Variants in CADPS2 observed in about 807,000 individuals in gnomAD.
CADPS2 encodes calcium dependent secretion activator 2.
CADPS2 carries 93 observed loss-of-function variants against 172.5 expected under a neutral mutation model. The ratio of observed to expected loss-of-function variants is 0.54; its 90% CI spans 0.46 to 0.64. The LOEUF is 0.64. Among genes scored for constraint, CADPS2 ranks in the 30% least tolerant of loss-of-function variants. CADPS2 has a pLI of 0.00. For missense variants in CADPS2, 1,420 were observed against 1,565.9 expected, an observed-to-expected ratio of 0.91 and a Z score of 1.57; for synonymous variants, 546 against 555.2, an observed-to-expected ratio of 0.98 and a Z score of 0.23.
chr7:122,370,434 TTTTATGCAAAGTAC>T (rs1311884353), intron 25 of CADPS2, among the ~76,000 whole-genome samples: 8 of 152,312 alleles, frequency 5.3e-5, no homozygotes, highest in Non-Finnish European at 1.2e-4. Context: ...CAGTATATAA[TTTTATGCAAAGTAC>T]TTTATGTTCT....
chr7:122,883,225 T>C (rs889284145), intron 1 of CADPS2, among the ~76,000 whole-genome samples: 5 of 152,174 alleles, frequency 3.3e-5, no homozygotes, highest in South Asian at 2.1e-4. Context: ...TTCTGGTTCA[T>C]AGAAACTCAC....
At chr7:122,562,986 G>A (rs139872897) in intron 7 of CADPS2, among the ~76,000 whole-genome samples, 1,873 of 152,176 alleles carry the variant, frequency 0.012, 16 homozygotes, top group Non-Finnish European at 0.017. Flanking sequence ...ACAACCTAAC[G>A]ATTAAGAATT....
chr7:122,566,424 C>T (rs1472667834), intron 7 of CADPS2, among the ~76,000 whole-genome samples: 1 of 151,940 alleles, frequency 6.6e-6, no homozygotes, highest in Non-Finnish European at 1.5e-5. Flanking sequence ...GGTATATATC[C>T]AAAGGAAATG....
intron 2 of CADPS2, among the ~76,000 whole-genome samples, chr7:122,708,576 C>A (rs1443286282): frequency 8.8e-6 from 1 of 113,936 alleles, no homozygotes; most frequent in Non-Finnish European, 1.8e-5. Context: ...TATATATCTT[C>A]CTTGCTCTTA....
intron 8 of CADPS2, among the ~76,000 whole-genome samples, chr7:122,531,065 C>G (rs1459513690): frequency 6.6e-6 from 1 of 152,156 alleles, no homozygotes; most frequent in African/African-American, 2.4e-5. Context: ...TTAAAGTCAG[C>G]AATCTTGAGA....
chr7:122,489,751 C>T lies in CADPS2; in HGVS notation c.1852+330G>A, dbSNP rs1172387924. On this transcript the variant is annotated intron_variant, in intron 11 of 29. Transcript: ENST00000449022. ...CAAATTTGATTTTGCAATACTTTTT[C>T]CATATCTATAGGAGACTTAAGTCAA... is the stretch of plus-strand genomic sequence containing the variant. 2.6e-5 allele frequency among the ~76,000 whole-genome samples: 4 copies of T among 152,018 alleles called. No individual in the cohort carries two copies. In the East Asian group the frequency reaches 7.7e-4, roughly 29 times the overall value.
intron 1 of CADPS2, among the ~76,000 whole-genome samples, chr7:122,790,412 A>G (rs1041998779): frequency 1.6e-4 from 24 of 151,878 alleles, no homozygotes; most frequent in African/African-American, 4.8e-4. Flanking sequence ...AAAAAAAAAA[A>G]AAAAGAAAAG....
chr7:122,454,408 C>T (rs564548379), intron 14 of CADPS2, among the ~76,000 whole-genome samples: 1 of 152,238 alleles, frequency 6.6e-6, no homozygotes, highest in South Asian at 2.1e-4. Context: ...AAAGACGATG[C>T]TCTTACCCTT....
chr7:122,695,165 A>T (rs997007825), intron 2 of CADPS2, among the ~76,000 whole-genome samples: 1 of 152,240 alleles, frequency 6.6e-6, no homozygotes, highest in Non-Finnish European at 1.5e-5. Context: ...GAGGTACTGT[A>T]TAGATGGAGT....
intron 17 of CADPS2, among the ~76,000 whole-genome samples, chr7:122,437,808 GAAAAA>G (rs3069346): frequency 0.29 from 39,347 of 135,964 alleles, 5,440 homozygotes; most frequent in East Asian, 0.39. Context: ...CCTGAAGAAA[GAAAAA>G]AAAAAAAAGC....
intron 2 of CADPS2, chr7:122,681,174 T>A: frequency 1.8e-6 from 1 of 553,590 alleles, no homozygotes; most frequent in Non-Finnish European, 3.3e-6. Flanking sequence ...ATATACCTAA[T>A]GCTAGATGAC....
At chr7:122,702,094 A>T in intron 2 of CADPS2, 1 of 1,613,640 alleles carries the variant, frequency 6.2e-7, no homozygotes, top group Non-Finnish European at 8.5e-7. Flanking sequence ...TGGTGAAAGA[A>T]TTGGGCACTC....
intron 2 of CADPS2, among the ~76,000 whole-genome samples, chr7:122,716,255 G>A (rs1425831256): frequency 2.0e-5 from 3 of 151,988 alleles, no homozygotes. Flanking sequence ...ATGAAAAAAA[G>A]CCTGCCTCGG....
At chr7:122,820,757 C>CACCTTGTTA (rs1333848505) in intron 1 of CADPS2, among the ~76,000 whole-genome samples, 1 of 134,348 alleles carries the variant, frequency 7.4e-6, no homozygotes, top group Non-Finnish European at 1.6e-5. Flanking sequence ...GACGGGGTTT[C>CACCTTGTTA]ACCTTGTTAG....
chr7:122,519,616 G>C (rs2060627514), intron 8 of CADPS2, among the ~76,000 whole-genome samples: 1 of 151,866 alleles, frequency 6.6e-6, no homozygotes, highest in Non-Finnish European at 1.5e-5. Context: ...ACACACAACT[G>C]ATTGCTAGGA....
chr7:122,475,832 T>C (rs543968395), intron 12 of CADPS2, among the ~76,000 whole-genome samples: 11 of 152,198 alleles, frequency 7.2e-5, no homozygotes, highest in Non-Finnish European at 1.6e-4. Context: ...TATTGATGTG[T>C]AGGGTATAAG....
At chr7:122,321,722 C>T (rs894089278) in intron 29 of CADPS2, among the ~76,000 whole-genome samples, 4 of 152,164 alleles carry the variant, frequency 2.6e-5, no homozygotes, top group Middle Eastern at 3.2e-3. Flanking sequence ...TCAGGTGATC[C>T]GCCCACCCCA....
In CADPS2 at chr7:122,541,199, A is replaced by AT. The variant is rs35364064; in HGVS notation, c.1475+13350dup. ...TTTTTTAAACTGGTATTATGAGATG[A>AT]TTTTTTTTTTTTTTTTTGAGACGGA... On this transcript the variant is annotated intron_variant, in intron 8 of 29. Coordinates refer to ENST00000449022, the MANE Select transcript of CADPS2 (RefSeq NM_017954.11). Among the ~76,000 whole-genome samples, 1,117 of 138,112 alleles carry AT rather than the reference A, an allele frequency of 8.1e-3. 6 individuals carry two copies. The highest frequency in any genetic ancestry group is 0.011 in the Non-Finnish European group (674 of 63,040). The allele number at this position is 138,112 out of a possible 152,430, so 90.6% of individuals were successfully genotyped here.
At chr7:122,661,002 G>A (rs937577295) in intron 3 of CADPS2, among the ~76,000 whole-genome samples, 4 of 152,130 alleles carry the variant, frequency 2.6e-5, no homozygotes, top group Non-Finnish European at 5.9e-5. Context: ...TAAACAGATG[G>A]AGAAAGAGAT....
Sources: gnomAD v4.1 joint callset for allele counts (sites outside exome capture counted in the v4.1 genomes callset) on GRCh38, gnomAD v4.1.1 for gene constraint, MANE v1.5 for transcripts, NCBI Gene and HGNC (gene_info 2026-07-23, HGNC 2026-07-21) for gene names.